POLR1C: variants seen among roughly 807,000 people sequenced by gnomAD.
POLR1C encodes RNA polymerase I and III subunit C.
Under a neutral mutation model 38.3 loss-of-function variants are expected in POLR1C, and 42 were observed. The observed-to-expected ratio is 1.10, with a 90% CI of 0.86 to 1.42. The LOEUF (loss-of-function observed/expected upper bound fraction) is 1.42, where lower values mean the gene tolerates loss of function less well. POLR1C is among the 40% of genes most tolerant of loss of function. POLR1C has a pLI of 0.00. For synonymous variants in POLR1C, 163 were observed against 163.9 expected (o/e 0.99, Z 0.04); for missense variants, 507 against 450.5 (o/e 1.13, Z -1.14).
At chr6:43,534,735 C>T (rs561447650) in intron 9 of POLR1C, among the ~76,000 whole-genome samples, 2 of 152,248 alleles carry the variant, frequency 1.3e-5, no homozygotes, top group Admixed American at 6.5e-5. Flanking sequence ...CGGTGGCTCA[C>T]GCCTATAATC....
intron 9 of POLR1C, chr6:43,539,591 C>G: frequency 4.4e-6 from 6 of 1,372,570 alleles, no homozygotes; most frequent in Non-Finnish European, 6.1e-6. Flanking sequence ...TCCACGGCTG[C>G]GACCCCGGCC....
chr6:43,520,980 G>C lies in POLR1C; in HGVS notation c.854G>C (p.Arg285Thr). The C allele has an allele frequency of 1.2e-6, 2 of 1,614,240 alleles. No homozygotes were observed. Among genetic ancestry groups the C allele is most frequent in the Non-Finnish European group, 1.7e-6 (2 of 1,180,046 alleles). ...AACCCCCGGCTGGATACCTTCAGCAGAGAAATCTTCCGGAATGAGAAGCTA... is the reference window on the plus strand; with the variant it reads ...AACCCCCGGCTGGATACCTTCAGCACAGAAATCTTCCGGAATGAGAAGCTA... ...VANPRLDTFS[R>T]EIFRNEKLKK... The change falls in exon 8 of 9, where the codon AGA becomes ACA. Residue 285 changes from arginine (R) to threonine (T), a missense_variant. Transcript: ENST00000642195.
At chr6:43,519,666 T>C (rs2127689442) in intron 3 of POLR1C, 40 bp from the exon 4 acceptor site, 1 of 1,614,098 alleles carries the variant, frequency 6.2e-7, no homozygotes, top group Non-Finnish European at 8.5e-7. Flanking sequence ...AGGGGGTCTG[T>C]TGGGTTTTTG....
chr6:43,549,725 C>T (rs1173207224), intron 9 of POLR1C: 2 of 1,203,120 alleles, frequency 1.7e-6, no homozygotes, highest in Admixed American at 2.5e-5. Context: ...TTTATAGCCA[C>T]CAAGAATCCA....
intron 8 of POLR1C, chr6:43,528,224 A>T: frequency 6.3e-7 from 1 of 1,580,576 alleles, no homozygotes; most frequent in Non-Finnish European, 8.6e-7. Flanking sequence ...ACACAAAGGA[A>T]ATAAATGCTA....
chr6:43,542,593 T>C (rs1316277940), intron 9 of POLR1C, among the ~76,000 whole-genome samples: 1 of 151,924 alleles, frequency 6.6e-6, no homozygotes, highest in South Asian at 2.1e-4. Context: ...TTGTTGGTGG[T>C]GGTGGTATTT....
At chr6:43,533,065 G>A (rs1293448060), downstream of POLR1C, among the ~76,000 whole-genome samples, 4 of 152,130 alleles carry the variant, frequency 2.6e-5, no homozygotes, top group Non-Finnish European at 5.9e-5. Context: ...AACCTGGAAG[G>A]CAGAGGTTGC....
exon 11 of POLR1C, chr6:43,562,186 A>C (rs1762452283): frequency 7.2e-7 from 1 of 1,381,210 alleles, no homozygotes; most frequent in African/African-American, 1.4e-5. Context: ...TTGAAACATA[A>C]GTTTCTAAAT....
downstream of POLR1C, among the ~76,000 whole-genome samples, chr6:43,532,537 C>T (rs1794049157): frequency 6.6e-6 from 1 of 152,238 alleles, no homozygotes; most frequent in Admixed American, 6.5e-5. Context: ...GCTCCAGCCA[C>T]ATGATTCAAC....
At chr6:43,539,647 C>T in intron 9 of POLR1C, 1 of 1,284,138 alleles carries the variant, frequency 7.8e-7, no homozygotes, top group African/African-American at 1.5e-5. Context: ...CGCGGTTCCC[C>T]ATCCCAGGGC....
chr6:43,520,906 A>G, intron 7 of POLR1C, 26 bp from the exon 8 acceptor site: 1 of 1,609,776 alleles, frequency 6.2e-7, no homozygotes, highest in Non-Finnish European at 8.5e-7. Context: ...AAAAAGGAAT[A>G]AAAAAACATG....
intron 8 of POLR1C, chr6:43,527,500 T>C (rs1793673255): frequency 4.9e-6 from 4 of 813,028 alleles, no homozygotes; most frequent in Non-Finnish European, 2.0e-6. Flanking sequence ...TCTTGATCTT[T>C]TGACCTCGCA....
downstream of POLR1C, chr6:43,522,503 G>A (rs1793250719): frequency 4.5e-6 from 1 of 221,432 alleles, no homozygotes; most frequent in Non-Finnish European, 1.0e-5. Flanking sequence ...CAACCAGACA[G>A]GAATAGGCAG....
downstream of POLR1C, chr6:43,524,813 C>CAT (rs147469883): frequency 1.6e-3 from 2,582 of 1,612,486 alleles, 31 homozygotes; most frequent in African/African-American, 0.03. Flanking sequence ...ATCCTTCCCC[C>CAT]ATGCCTTCCC....
downstream of POLR1C, chr6:43,525,084 G>A (rs774707239): frequency 9.6e-6 from 15 of 1,569,628 alleles, no homozygotes; most frequent in African/African-American, 1.4e-5. Flanking sequence ...TGAGGGGCAG[G>A]GAAAAGGGGT....
downstream of POLR1C, among the ~76,000 whole-genome samples, chr6:43,521,717 G>A (rs180729696): frequency 5.3e-5 from 8 of 152,006 alleles, no homozygotes; most frequent in Admixed American, 4.6e-4. Flanking sequence ...TTTTAGTAGA[G>A]ACAGGGTTTC....
chr6:43,556,002 A>C (rs112132990), intron 10 of POLR1C: 1 of 1,610,168 alleles, frequency 6.2e-7, no homozygotes, highest in Non-Finnish European at 8.5e-7. Flanking sequence ...ACAGGAATCA[A>C]TAACTGGTAT....
intron 9 of POLR1C, chr6:43,539,627 C>G: frequency 7.4e-7 from 1 of 1,344,306 alleles, no homozygotes; most frequent in South Asian, 1.2e-5. Flanking sequence ...GAAACCTCTG[C>G]GGAAGCCACC....
intron 10 of POLR1C, among the ~76,000 whole-genome samples, chr6:43,557,557 A>AGT (rs1434859193): frequency 2.6e-5 from 4 of 152,152 alleles, no homozygotes; most frequent in Non-Finnish European, 5.9e-5. Context: ...GAATAGGCAA[A>AGT]ACAGAGACAG....
Sources: allele counts gnomAD v4.1 joint callset (sites outside exome capture counted in the v4.1 genomes callset), GRCh38; gene constraint gnomAD v4.1.1; transcripts MANE v1.5; gene names NCBI Gene and HGNC (gene_info 2026-07-23, HGNC 2026-07-21).